Variants in RCAN1 observed in about 807,000 individuals in gnomAD.
RCAN1 encodes regulator of calcineurin 1.
A neutral mutation model predicts 22.9 loss-of-function variants in RCAN1; 11 were observed. The observed-to-expected ratio is 0.48, with a 90% CI of 0.30 to 0.79. The LOEUF (loss-of-function observed/expected upper bound fraction) is 0.79, where lower values mean the gene tolerates loss of function less well. RCAN1 is among the 30% of genes least tolerant of loss of function. The pLI, the probability that RCAN1 is intolerant of heterozygous loss-of-function variation, is 0.06. For missense variants in RCAN1, 291 were observed against 337.8 expected (o/e 0.86, Z 1.09); for synonymous variants, 136 against 142.3 (o/e 0.96, Z 0.32).
intron 1 of RCAN1, among the ~76,000 whole-genome samples, chr21:34,553,018 C>T (rs890570338): frequency 2.0e-5 from 3 of 152,180 alleles, no homozygotes; most frequent in Admixed American, 2.0e-4. Context: ...TCTTTCTAAA[C>T]ACAGCACAAC....
intron 1 of RCAN1, among the ~76,000 whole-genome samples, chr21:34,558,406 G>A (rs1243011400): frequency 3.3e-5 from 5 of 152,186 alleles, no homozygotes; most frequent in African/African-American, 9.7e-5. Flanking sequence ...CACCTCCACC[G>A]TGACTGAGAA....
chr21:34,546,851 A>G (rs1411298309), intron 1 of RCAN1, among the ~76,000 whole-genome samples: 1 of 152,254 alleles, frequency 6.6e-6, no homozygotes, highest in Non-Finnish European at 1.5e-5. Flanking sequence ...CAGGAAAAGT[A>G]TAAGTAGCTT....
chr21:34,523,784 C>CTT (rs5843666), intron 1 of RCAN1, 74 bp from the exon 2 acceptor site: 20,618 of 996,704 alleles, frequency 0.021, no homozygotes, highest in East Asian at 0.051. Context: ...GATGTCATTA[C>CTT]TTTTTTTTTT....
At chr21:34,570,255 T>C (rs181899780) in intron 1 of RCAN1, among the ~76,000 whole-genome samples, 5 of 152,312 alleles carry the variant, frequency 3.3e-5, no homozygotes, top group Admixed American at 1.3e-4. Context: ...AGGTAAAATA[T>C]GATCTGGAGA....
intron 1 of RCAN1, among the ~76,000 whole-genome samples, chr21:34,584,331 A>T (rs1251207411): frequency 6.6e-6 from 1 of 152,202 alleles, no homozygotes; most frequent in Non-Finnish European, 1.5e-5. Context: ...AAGCAAAATG[A>T]TGATGAAAAA....
chr21:34,541,221 G>C (rs1287523419), intron 1 of RCAN1, among the ~76,000 whole-genome samples: 1 of 152,166 alleles, frequency 6.6e-6, no homozygotes, highest in Admixed American at 6.5e-5. Flanking sequence ...GAAAAGTCTA[G>C]CTAGGTATAT....
chr21:34,534,763 G>T (rs537402017), intron 1 of RCAN1, among the ~76,000 whole-genome samples: 5 of 152,290 alleles, frequency 3.3e-5, no homozygotes, highest in Admixed American at 3.3e-4. Flanking sequence ...CAGGCCTCAG[G>T]GGAAGCACTG....
At chr21:34,607,937 C>T (rs778910794) in intron 1 of RCAN1, among the ~76,000 whole-genome samples, 46 of 152,220 alleles carry the variant, frequency 3.0e-4, no homozygotes, top group African/African-American at 9.2e-4. Flanking sequence ...TGAGTTCCAG[C>T]GGCAGCAGAG....
intron 1 of RCAN1, among the ~76,000 whole-genome samples, chr21:34,550,739 C>T (rs1298520296): frequency 6.6e-6 from 1 of 152,152 alleles, no homozygotes; most frequent in African/African-American, 2.4e-5. Flanking sequence ...ATAAAATATG[C>T]CCATCTCAAA....
intron 1 of RCAN1, among the ~76,000 whole-genome samples, chr21:34,571,277 G>C (rs567719657): frequency 2.6e-5 from 4 of 152,074 alleles, no homozygotes; most frequent in Non-Finnish European, 4.4e-5. Flanking sequence ...TGGGCAACAA[G>C]AGCGAAACTC....
intron 1 of RCAN1, among the ~76,000 whole-genome samples, chr21:34,542,388 A>G (rs868070460): frequency 6.7e-6 from 1 of 149,164 alleles, no homozygotes; most frequent in African/African-American, 2.5e-5. Context: ...CTTGGAACCC[A>G]GTTGCCCACC....
chr21:34,553,889 GCAGC>G (rs1330967533), intron 1 of RCAN1, among the ~76,000 whole-genome samples: 1 of 152,198 alleles, frequency 6.6e-6, no homozygotes, highest in Non-Finnish European at 1.5e-5. Context: ...GGGATAAGAA[GCAGC>G]AACTACACCC....
At position 34,546,577 on chromosome 21, in the gene RCAN1, G is replaced by A. The variant is rs575475624; in HGVS notation, c.253-22867C>T. ...CACAAACATGAACAAGAAAACAATC[G>A]CTGTCGCTTAAAAGCAACACCGTCT... On this transcript the variant is annotated intron_variant, in intron 1 of 3. Transcript: ENST00000313806. Among the ~76,000 whole-genome samples the A allele has an allele frequency of 6.8e-4, 104 of 152,144 alleles. 1 individual carries two copies. The South Asian group carries it at 7.5e-3, about 11-fold the overall frequency.
chr21:34,611,168 C>T lies in RCAN1; in HGVS notation c.252+3592G>A, dbSNP rs570636899. 1.2e-3 allele frequency among the ~76,000 whole-genome samples: 189 copies of T among 152,170 alleles called. 2 individuals carry two copies. The highest frequency in any genetic ancestry group is 4.4e-3 in the African/African-American group (183 of 41,492). On this transcript the variant is annotated intron_variant, in intron 1 of 3. Coordinates refer to ENST00000313806, the MANE Select transcript of RCAN1 (RefSeq NM_004414.7). ...TTCCAGGGAACCAACTAACCATTTT[C>T]AGCAATTCAAAGCACATGTAATTAC...
chr21:34,528,669 G>A (rs1985208224), intron 1 of RCAN1, among the ~76,000 whole-genome samples: 2 of 152,098 alleles, frequency 1.3e-5, no homozygotes, highest in South Asian at 4.2e-4. Context: ...TCCTCCAGAG[G>A]GGCTTGGAAC....
At chr21:34,531,950 G>T (rs1053455082) in intron 1 of RCAN1, among the ~76,000 whole-genome samples, 2 of 152,068 alleles carry the variant, frequency 1.3e-5, no homozygotes, top group Non-Finnish European at 2.9e-5. Flanking sequence ...GCCCGACAAG[G>T]CAGACTTTAT....
chr21:34,519,740 C>T (rs1197733750), intron 3 of RCAN1, among the ~76,000 whole-genome samples: 1 of 152,022 alleles, frequency 6.6e-6, no homozygotes, highest in Non-Finnish European at 1.5e-5. Context: ...GAGGAGGCAC[C>T]GCACCAACCA....
chr21:34,538,577 G>A (rs898366446), intron 1 of RCAN1, among the ~76,000 whole-genome samples: 1 of 152,172 alleles, frequency 6.6e-6, no homozygotes, highest in African/African-American at 2.4e-5. Flanking sequence ...TTATTAGGAC[G>A]AGTGGTGGGG....
chr21:34,559,611 C>A (rs8134785), intron 1 of RCAN1, among the ~76,000 whole-genome samples: 65,859 of 151,924 alleles, frequency 0.43, 14,840 homozygotes, highest in South Asian at 0.48. Context: ...GAACATAGCT[C>A]ACATTTTCCA....
Sources: gnomAD v4.1 joint callset for allele counts (sites outside exome capture counted in the v4.1 genomes callset) on GRCh38, gnomAD v4.1.1 for gene constraint, MANE v1.5 for transcripts, NCBI Gene and HGNC (gene_info 2026-07-23, HGNC 2026-07-21) for gene names.